Variants in NAALADL2 observed in about 807,000 individuals in gnomAD.
NAALADL2 encodes the protein N-acetylated alpha-linked acidic dipeptidase like 2.
NAALADL2 carries 76 observed loss-of-function variants against 87.2 expected under a neutral mutation model. The observed-to-expected ratio is 0.87, with a 90% confidence interval of 0.72 to 1.05. NAALADL2 has a LOEUF of 1.05. NAALADL2 is among the 50% of genes least tolerant of loss of function. The pLI, the probability that NAALADL2 is intolerant of heterozygous loss-of-function variation, is 0.00. For synonymous variants in NAALADL2, 354 were observed against 331.0 expected (o/e 1.07, Z -0.75); for missense variants, 1,089 against 945.8 (o/e 1.15, Z -1.99).
intron 2 of NAALADL2, among the ~76,000 whole-genome samples, chr3:174,725,685 T>C (rs189818851): frequency 4.6e-5 from 7 of 152,318 alleles, no homozygotes; most frequent in Admixed American, 2.6e-4. Flanking sequence ...CCGTTTTTTA[T>C]AGAGATGATT....
intron 5 of NAALADL2, among the ~76,000 whole-genome samples, chr3:175,385,806 A>G (rs1031750822): frequency 6.6e-6 from 1 of 152,128 alleles, no homozygotes; most frequent in Non-Finnish European, 1.5e-5. Flanking sequence ...ACAGATGAAC[A>G]GAAGAAAAGT....
rs1259076641 is a variant in NAALADL2, at chr3:174,738,639, G to T, written c.-9+893G>T. Among the ~76,000 whole-genome samples the T allele has an allele frequency of 5.9e-5, 9 of 152,136 alleles. No homozygotes were observed. The East Asian group carries it at 1.2e-3, about 20-fold the overall frequency. On this transcript the variant is annotated intron_variant, in intron 3 of 3. Coordinates refer to the NAALADL2 transcript ENST00000434257. Reference sequence around the variant, plus strand: ...GAGGAGCCCTGGAAAAGGGTAGAGAGGGGGGAGGGTTGAATTTGGCCTTGA... The same window carrying T: ...GAGGAGCCCTGGAAAAGGGTAGAGATGGGGGAGGGTTGAATTTGGCCTTGA...
intron 4 of NAALADL2, among the ~76,000 whole-genome samples, chr3:175,318,774 C>A (rs995203942): frequency 3.9e-5 from 6 of 152,298 alleles, no homozygotes; most frequent in African/African-American, 1.4e-4. Flanking sequence ...CCCCTCCTCA[C>A]CTTTGTAATT....
intron 1 of NAALADL2, among the ~76,000 whole-genome samples, chr3:174,916,917 G>A (rs1053989752): frequency 3.9e-5 from 6 of 152,016 alleles, no homozygotes; most frequent in African/African-American, 1.4e-4. Context: ...TATTTTCAGA[G>A]TGATTAATAT....
At chr3:174,738,774 CTAAG>C (rs1464844192) in intron 3 of NAALADL2, among the ~76,000 whole-genome samples, 6 of 152,220 alleles carry the variant, frequency 3.9e-5, no homozygotes, top group South Asian at 2.1e-4. Context: ...CTGTTACTTT[CTAAG>C]TAATTAAAAC....
intron 5 of NAALADL2, among the ~76,000 whole-genome samples, chr3:175,357,292 G>A (rs902738961): frequency 6.6e-6 from 1 of 152,028 alleles, no homozygotes; most frequent in African/African-American, 2.4e-5. Context: ...GTATTATTTA[G>A]GCTTGACTCA....
At position 175,805,680 on chromosome 3, in the gene NAALADL2, T is replaced by C. The variant is rs980290511; in HGVS notation, c.*2477T>C. ...GTGAATTGGTAGTAGGTTTAAGCTG[T>C]TGCTGAGTCGTCTATATGCCTGGTA... On this transcript the variant is annotated 3_prime_UTR_variant, in exon 14 of 14. Transcript: ENST00000454872. 6.6e-6 allele frequency: 1 copy of C among 151,848 alleles called. No homozygotes were observed. The highest frequency in any genetic ancestry group is 2.4e-5 in the African/African-American group (1 of 41,400). The allele number at this position is 151,848 out of a possible 1,614,324, so 9.4% of individuals were successfully genotyped here.
At chr3:174,880,295 T>C (rs1287059592) in intron 1 of NAALADL2, among the ~76,000 whole-genome samples, 24 of 152,048 alleles carry the variant, frequency 1.6e-4, no homozygotes, top group Non-Finnish European at 1.5e-5. Flanking sequence ...CACATCTCAG[T>C]TGGAAGTAAC....
chr3:174,519,091 C>T (rs781390420), intron 1 of NAALADL2, among the ~76,000 whole-genome samples: 10 of 152,116 alleles, frequency 6.6e-5, no homozygotes, highest in Non-Finnish European at 1.5e-4. Context: ...ACACATTCAA[C>T]ATATAAAAGA....
chr3:174,713,011 T>C (rs1730822597), intron 2 of NAALADL2, among the ~76,000 whole-genome samples: 1 of 151,218 alleles, frequency 6.6e-6, no homozygotes, highest in Non-Finnish European at 1.5e-5. Context: ...TGTGCAAGTG[T>C]TCTCATTTTT....
At chr3:174,693,018 T>C (rs1728724053) in intron 2 of NAALADL2, among the ~76,000 whole-genome samples, 1 of 142,296 alleles carries the variant, frequency 7.0e-6, no homozygotes, top group African/African-American at 2.5e-5. Flanking sequence ...TGATAATTAA[T>C]TCCTCTGTAT....
chr3:174,961,805 T>G (rs1019848263), intron 1 of NAALADL2, among the ~76,000 whole-genome samples: 2 of 152,048 alleles, frequency 1.3e-5, no homozygotes, highest in Non-Finnish European at 2.9e-5. Flanking sequence ...ATGTTAAACT[T>G]ATATAACATT....
chr3:175,008,185 C>G (rs1044422849), intron 1 of NAALADL2, among the ~76,000 whole-genome samples: 10 of 151,986 alleles, frequency 6.6e-5, no homozygotes, highest in Non-Finnish European at 4.4e-5. Context: ...TGAGACCAGC[C>G]TAGCCAACAT....
chr3:175,647,868 G>A (rs141966101), intron 11 of NAALADL2, among the ~76,000 whole-genome samples: 77 of 152,246 alleles, frequency 5.1e-4, no homozygotes, highest in African/African-American at 1.5e-3. Context: ...CATTTCTTGC[G>A]CTTGTTAGTT....
chr3:175,545,637 A>C (rs1305771584), intron 9 of NAALADL2, among the ~76,000 whole-genome samples: 1 of 152,144 alleles, frequency 6.6e-6, no homozygotes, highest in African/African-American at 2.4e-5. Context: ...ATTTATTATC[A>C]TGCTGTTTAG....
intron 2 of NAALADL2, among the ~76,000 whole-genome samples, chr3:175,129,258 T>C (rs1266520150): frequency 6.6e-6 from 1 of 152,146 alleles, no homozygotes; most frequent in African/African-American, 2.4e-5. Context: ...AAAGTCGAAT[T>C]AACACATCCA....
At chr3:174,917,259 G>C (rs1490205383) in intron 1 of NAALADL2, among the ~76,000 whole-genome samples, 1 of 152,020 alleles carries the variant, frequency 6.6e-6, no homozygotes, top group African/African-American at 2.4e-5. Context: ...ATTCTTAACT[G>C]ATCATGAATT....
intron 2 of NAALADL2, among the ~76,000 whole-genome samples, chr3:175,146,286 G>GA (rs1730743629): frequency 6.6e-6 from 1 of 151,826 alleles, no homozygotes; most frequent in Non-Finnish European, 1.5e-5. Flanking sequence ...GGTCTACCCA[G>GA]AAAAAAGAGA....
intron 2 of NAALADL2, among the ~76,000 whole-genome samples, chr3:174,677,432 C>T (rs1259005272): frequency 6.6e-6 from 1 of 152,032 alleles, no homozygotes; most frequent in East Asian, 1.9e-4. Context: ...CTGTCAATAA[C>T]ATTTGGTATT....
Sources: allele counts gnomAD v4.1 joint callset (sites outside exome capture counted in the v4.1 genomes callset), GRCh38; gene constraint gnomAD v4.1.1; transcripts MANE v1.5; gene names NCBI Gene and HGNC (gene_info 2026-07-23, HGNC 2026-07-21).